Variants in STIM2 observed in about 807,000 individuals in gnomAD.
STIM2 encodes stromal interaction molecule 2.
In STIM2, 31 loss-of-function variants were observed where a neutral mutation model predicts 85.8. That is an observed-to-expected ratio of 0.36 (90% confidence interval 0.27 to 0.49). STIM2 has a LOEUF of 0.49. Among genes scored for constraint, STIM2 ranks in the 20% least tolerant of loss-of-function variants. The probability of loss-of-function intolerance (pLI) is 0.98; values close to 1 mark genes in which losing one functional copy is unlikely to be tolerated. For missense variants in STIM2, 841 were observed against 927.6 expected (o/e 0.91, Z 1.21); for synonymous variants, 356 against 331.1 (o/e 1.08, Z -0.82).
In STIM2 at chr4:27,022,718, G is replaced by A; in HGVS notation, c.1963G>A (p.Gly655Ser). ...GTCTTGGGGTTCTCCCGACTGTGTA[G>A]GTCTGACAGAAACTAAGAGTATGAT... is the stretch of plus-strand genomic sequence containing the variant. Residue 655 changes from glycine (G) to serine (S), a missense_variant, in exon 12 of 12, where the codon GGT (glycine) becomes AGT (serine). By Grantham distance (56) the Gly-to-Ser change is moderately conservative (BLOSUM62 0). Transcript: ENST00000467087. 6.2e-7 allele frequency: 1 copy of A among 1,614,222 alleles called. No individual in the cohort carries two copies. Among genetic ancestry groups the A allele is most frequent in the Non-Finnish European group, 8.5e-7 (1 of 1,180,046 alleles).
chr4:26,873,981 G>C (rs1032572280), intron 1 of STIM2: 4 of 975,558 alleles, frequency 4.1e-6, no homozygotes, highest in Non-Finnish European at 4.9e-6. Flanking sequence ...CTGCTCTTCT[G>C]TGCCCCTCTC....
chr4:26,899,294 GTAT>G (rs1178426695), intron 1 of STIM2, among the ~76,000 whole-genome samples: 1 of 151,978 alleles, frequency 6.6e-6, no homozygotes, highest in Non-Finnish European at 1.5e-5. Flanking sequence ...CTGTCATGAT[GTAT>G]TATTATCCTT....
chr4:26,903,445 A>T (rs1724001669), intron 1 of STIM2, among the ~76,000 whole-genome samples: 1 of 152,158 alleles, frequency 6.6e-6, no homozygotes, highest in African/African-American at 2.4e-5. Flanking sequence ...TTTTTGCAAA[A>T]CATTTTAATG....
intron 3 of STIM2, among the ~76,000 whole-genome samples, chr4:26,960,112 C>G (rs188531191): frequency 1.3e-5 from 2 of 152,240 alleles, no homozygotes; most frequent in East Asian, 3.9e-4. Flanking sequence ...CATTCAGGCT[C>G]CAGGAGGAGT....
intron 1 of STIM2, among the ~76,000 whole-genome samples, chr4:26,915,654 G>C (rs1304781803): frequency 1.3e-5 from 2 of 152,218 alleles, no homozygotes; most frequent in African/African-American, 4.8e-5. Flanking sequence ...TAATAATGGT[G>C]TTGATAGCTG....
At chr4:26,905,423 G>A (rs1560201980) in intron 1 of STIM2, among the ~76,000 whole-genome samples, 1 of 152,200 alleles carries the variant, frequency 6.6e-6, no homozygotes, top group Non-Finnish European at 1.5e-5. Context: ...GTGAGGGACA[G>A]TAATCTATGC....
intron 1 of STIM2, among the ~76,000 whole-genome samples, chr4:26,871,183 C>T (rs1411733437): frequency 6.6e-6 from 1 of 152,082 alleles, no homozygotes; most frequent in Admixed American, 6.6e-5. Flanking sequence ...ATGTTTCATC[C>T]AATTTAATCC....
intron 2 of STIM2, among the ~76,000 whole-genome samples, chr4:26,928,618 C>T (rs537322515): frequency 1.3e-5 from 2 of 152,088 alleles, no homozygotes; most frequent in Non-Finnish European, 2.9e-5. Context: ...TAGCAATATT[C>T]CTGCCTCGGC....
chr4:26,985,113 A>G (rs1179758956), intron 3 of STIM2, among the ~76,000 whole-genome samples: 1 of 152,160 alleles, frequency 6.6e-6, no homozygotes, highest in Non-Finnish European at 1.5e-5. Context: ...TTCTAAACAT[A>G]AACCTGTCTT....
intron 3 of STIM2, among the ~76,000 whole-genome samples, chr4:26,965,466 A>G (rs1726681246): frequency 6.6e-6 from 1 of 152,110 alleles, no homozygotes; most frequent in African/African-American, 2.4e-5. Context: ...TCCCTTTATT[A>G]TCAAATAACT....
chr4:26,973,738 T>A (rs1353196679), intron 3 of STIM2, among the ~76,000 whole-genome samples: 1 of 152,208 alleles, frequency 6.6e-6, no homozygotes. Flanking sequence ...GAGAGTTCTG[T>A]AGATGTCTAT....
At chr4:26,963,733 T>G (rs1726573932) in intron 3 of STIM2, among the ~76,000 whole-genome samples, 2 of 152,196 alleles carry the variant, frequency 1.3e-5, no homozygotes, top group African/African-American at 2.4e-5. Context: ...ATTAGGGAGA[T>G]GGCTCTTCAA....
chr4:27,017,896 C>T lies in STIM2; in HGVS notation c.1675C>T (p.Pro559Ser), dbSNP rs768955451. 33 of 1,614,014 alleles carry T rather than the reference C, an allele frequency of 2.0e-5. No homozygotes were observed. Among genetic ancestry groups the T allele is most frequent in the Non-Finnish European group, 2.6e-5 (31 of 1,180,032 alleles). Residue 559 changes from proline to serine, a missense_variant, in exon 11 of 12, where the codon CCA (proline) becomes TCA (serine). Pro to Ser is a moderately conservative substitution (Grantham distance 74, BLOSUM62 -1). This residue lies in a region of STIM2 where 293 missense variants were observed against 284.5 expected (regional missense o/e 1.03). Transcript: ENST00000467087. ...ACCACACTCCTTGCCTTCCCCTGAT[C>T]CAGATATCCTCTCAGTGTCAAGTTG...
Position 26,919,526 on chromosome 4 carries a change from A to G in STIM2, c.174A>G (p.Pro58=), listed in dbSNP as rs780674224. 1.2e-6 allele frequency: 2 copies of G among 1,613,598 alleles called. No individual in the cohort carries two copies. The highest frequency in any genetic ancestry group is 1.7e-6 in the Non-Finnish European group (2 of 1,179,692). ...CAGATCCCTGCATGTCACTGAGTCC[A>G]CCATGCTTTACAGAAGAAGACAGAT... Residue 58 remains proline (P), a synonymous_variant, in exon 2 of 12, where the codon CCA becomes CCG. Transcript: ENST00000467087.
intron 3 of STIM2, among the ~76,000 whole-genome samples, chr4:26,957,961 T>C (rs1726314510): frequency 6.6e-6 from 1 of 152,192 alleles, no homozygotes; most frequent in African/African-American, 2.4e-5. Context: ...ATAAATAAGA[T>C]AATGCATGTC....
At chr4:26,997,127 A>G (rs546007022) in intron 4 of STIM2, among the ~76,000 whole-genome samples, 1 of 152,294 alleles carries the variant, frequency 6.6e-6, no homozygotes, top group Admixed American at 6.5e-5. Flanking sequence ...TTATATAGTA[A>G]TGGAAATTAG....
At chr4:26,877,989 A>T (rs558984630) in intron 1 of STIM2, among the ~76,000 whole-genome samples, 3 of 152,278 alleles carry the variant, frequency 2.0e-5, no homozygotes, top group African/African-American at 7.2e-5. Context: ...CTGTCACTAG[A>T]TGCTGGTGTC....
chr4:26,984,317 C>T (rs1727502921), intron 3 of STIM2, among the ~76,000 whole-genome samples: 1 of 152,234 alleles, frequency 6.6e-6, no homozygotes, highest in Non-Finnish European at 1.5e-5. Context: ...GAAACACTAT[C>T]TGCAGAACAA....
intron 3 of STIM2, among the ~76,000 whole-genome samples, chr4:26,993,615 C>G (rs1560233171): frequency 6.6e-6 from 1 of 152,084 alleles, no homozygotes; most frequent in African/African-American, 2.4e-5. Flanking sequence ...TTCACTCTCC[C>G]TTGATCTCTT....
Sources: allele counts gnomAD v4.1 joint callset (sites outside exome capture counted in the v4.1 genomes callset), GRCh38; gene constraint gnomAD v4.1.1; regional missense constraint gnomAD v4.1.1; transcripts MANE v1.5; gene names NCBI Gene and HGNC (gene_info 2026-07-23, HGNC 2026-07-21).